RAD21L1: variants seen among roughly 807,000 people sequenced by gnomAD.
The protein encoded by RAD21L1 is RAD21 cohesin complex component like 1.
A neutral mutation model predicts 69.0 loss-of-function variants in RAD21L1; 47 were observed. The observed-to-expected ratio is 0.68, with a 90% CI of 0.54 to 0.87. RAD21L1 has a LOEUF of 0.87. Among genes scored for constraint, RAD21L1 ranks in the 40% least tolerant of loss-of-function variants. RAD21L1 has a pLI of 0.00. For synonymous variants in RAD21L1, 177 were observed against 205.8 expected (o/e 0.86, Z 1.20); for missense variants, 583 against 647.6 (o/e 0.90, Z 1.08).
Position 1,238,075 on chromosome 20 carries a change from C to A in RAD21L1, c.507C>A (p.Ser169Arg). 1 of 1,528,008 alleles carries A rather than the reference C, an allele frequency of 6.5e-7. No individual in the cohort carries two copies. Among genetic ancestry groups the A allele is most frequent in the Non-Finnish European group, 8.8e-7 (1 of 1,131,058 alleles). 94.7% of individuals were successfully genotyped at this position (1,528,008 alleles called of 1,614,324 possible). Reference sequence around the variant, plus strand: ...AATCTGAAATTCTCAGAAGACATAGCTTCTTTGATGACAACATATTACTGA... The same window carrying A: ...AATCTGAAATTCTCAGAAGACATAGATTCTTTGATGACAACATATTACTGA... ...GEESEILRRH[S>R]FFDDNILLNS... Residue 169 changes from serine to arginine, a missense_variant, in exon 6 of 14, where the codon AGC (serine) becomes AGA (arginine). Coordinates refer to ENST00000683101, the MANE Select transcript of RAD21L1 (RefSeq NM_001384355.1).
In RAD21L1 at chr20:1,254,396, G is replaced by A. The variant is rs117961856; in HGVS notation, c.1607G>A (p.Ser536Asn). Residue 536 changes from serine to asparagine, a missense_variant, in exon 14 of 14, where the codon AGC becomes AAC. Coordinates refer to ENST00000683101, the MANE Select transcript of RAD21L1 (RefSeq NM_001384355.1). ...VLKKQLAIELSQSAPYADIIA... is the reference protein window; with the variant it reads ...VLKKQLAIELNQSAPYADIIA... ...AAGAAACAGCTGGCTATTGAGCTGA[G>A]CCAGAGTGCTCCCTATGCAGATATT... The A allele has an allele frequency of 3.6e-3, 5,623 of 1,551,200 alleles. 182 individuals carry two copies. In the East Asian group the frequency reaches 0.059, roughly 16 times the overall value.
intron 2 of RAD21L1, 65 bp from the exon 3 acceptor site, chr20:1,229,815 C>CTTTCAAAGAA: frequency 8.0e-7 from 1 of 1,253,598 alleles, no homozygotes; most frequent in Non-Finnish European, 1.1e-6. Context: ...ATGTCAGTAA[C>CTTTCAAAGAA]TTTCAAAGAA....
At chr20:1,228,395 T>G (rs954069670) in intron 1 of RAD21L1, 27 bp from the exon 2 acceptor site, 2 of 1,275,702 alleles carry the variant, frequency 1.6e-6, no homozygotes, top group Admixed American at 3.8e-5. Context: ...TAATAAAATT[T>G]TAAATTTCTT....
intron 12 of RAD21L1, among the ~76,000 whole-genome samples, chr20:1,248,251 T>C (rs2087756808): frequency 6.6e-6 from 1 of 151,968 alleles, no homozygotes; most frequent in African/African-American, 2.4e-5. Flanking sequence ...AGCTGTATGT[T>C]TACTCCTGTC....
At chr20:1,248,300 G>A (rs2122147800) in intron 12 of RAD21L1, among the ~76,000 whole-genome samples, 1 of 152,088 alleles carries the variant, frequency 6.6e-6, no homozygotes, top group East Asian at 1.9e-4. Context: ...ATAACCCTAG[G>A]CAAAAGTTGT....
intron 5 of RAD21L1, among the ~76,000 whole-genome samples, chr20:1,237,279 C>T (rs73073644): frequency 0.044 from 6,714 of 152,124 alleles, 184 homozygotes; most frequent in Middle Eastern, 0.065. Context: ...CTTCTGGTCC[C>T]CTGGAACTAT....
Position 1,242,636 on chromosome 20 carries a change from A to G in RAD21L1, c.874A>G (p.Lys292Glu). 6.4e-7 allele frequency: 1 copy of G among 1,550,954 alleles called. No homozygotes were observed. Among genetic ancestry groups the G allele is most frequent in the Non-Finnish European group, 8.7e-7 (1 of 1,146,316 alleles). Reference protein sequence around the residue: ...IDISDIAEKRKGKKRRLLIDP... With the variant: ...IDISDIAEKREGKKRRLLIDP... Reference sequence around the variant, plus strand: ...ATATTTAGACATTGCTGAGAAAAGGAAAGGCAAAAAGAGGAGATTGCTCAT... The same window carrying G: ...ATATTTAGACATTGCTGAGAAAAGGGAAGGCAAAAAGAGGAGATTGCTCAT... The change falls in exon 9 of 14, where the codon AAA becomes GAA. Residue 292 changes from lysine to glutamate, a missense_variant. Coordinates refer to ENST00000683101, the MANE Select transcript of RAD21L1 (RefSeq NM_001384355.1).
chr20:1,251,867 A>G (rs949398489), intron 13 of RAD21L1, among the ~76,000 whole-genome samples: 1 of 152,144 alleles, frequency 6.6e-6, no homozygotes, highest in African/African-American at 2.4e-5. Context: ...CTTTGTTGAG[A>G]TATGATTAAC....
intron 5 of RAD21L1, among the ~76,000 whole-genome samples, chr20:1,236,543 A>G (rs1227457049): frequency 1.3e-5 from 2 of 152,204 alleles, no homozygotes; most frequent in Non-Finnish European, 2.9e-5. Context: ...AGGTGGGAAG[A>G]ACATGTTCTT....
In RAD21L1 at chr20:1,244,080, A is replaced by G. The variant is rs1428585740; in HGVS notation, c.1218A>G (p.Gln406=). Residue 406 remains glutamine (Q), a synonymous_variant, in exon 11 of 14, where the codon CAA becomes CAG. Coordinates refer to ENST00000683101, the MANE Select transcript of RAD21L1 (RefSeq NM_001384355.1). ...TSMMQEPNYQ[Q]ELSKPQTWKD... ...TGATGCAAGAGCCAAATTACCAGCA[A>G]GAGTTAAGTAAACCCCAAACTTGGA... The G allele has an allele frequency of 1.3e-6, 2 of 1,550,226 alleles. No homozygotes were observed. Among genetic ancestry groups the G allele is most frequent in the Admixed American group, 3.9e-5 (2 of 50,988 alleles).
chr20:1,243,577 G>A (rs1444564777), intron 10 of RAD21L1, among the ~76,000 whole-genome samples: 1 of 152,138 alleles, frequency 6.6e-6, no homozygotes, highest in African/African-American at 2.4e-5. Flanking sequence ...GATAAGAACA[G>A]CACTTAATAC....
rs1449428360 is a variant in RAD21L1 at position 1,246,260 on chromosome 20, G to A, written c.1356G>A (p.Met452Ile). 2 of 1,541,524 alleles carry A rather than the reference G, an allele frequency of 1.3e-6. No individual in the cohort carries two copies. Among genetic ancestry groups the A allele is most frequent in the Non-Finnish European group, 1.8e-6 (2 of 1,142,348 alleles). Reference protein sequence around the residue: ...VSLAAEESSLMNDLFAQEIEY... With the variant: ...VSLAAEESSLINDLFAQEIEY... The stretch of plus-strand genomic sequence containing the variant: ...TAGCTGCTGAGGAATCATCTTTAAT[G>A]AATGACTTATTTGCACAAGAAATTG... Residue 452 changes from methionine (M) to isoleucine (I), a missense_variant, in exon 12 of 14, where the codon ATG (methionine) becomes ATA (isoleucine). Met to Ile is a conservative substitution (Grantham distance 10, BLOSUM62 1). Transcript: ENST00000683101. The surrounding 1 kb of genome is among the most constrained non-coding windows in gnomAD (Gnocchi z 4.6).
rs1321448634 is a variant in RAD21L1, at chr20:1,242,847, T to C, written c.1083+2T>C. On this transcript the variant is annotated splice_donor_variant, in intron 9 of 13. Transcript: ENST00000683101. LOFTEE classifies it high-confidence loss of function. ...TTGATTCATGCTGAACTGAAAATGG[T>C]AACGGTTCCTACCCTTCTACATGTG... is the stretch of plus-strand genomic sequence containing the variant. The C allele has an allele frequency of 6.5e-7, 1 of 1,539,626 alleles. No homozygotes were observed. Among genetic ancestry groups the C allele is most frequent in the Admixed American group, 2.0e-5 (1 of 50,962 alleles).
intron 8 of RAD21L1, 98 bp from the exon 9 acceptor site, chr20:1,242,521 C>A: frequency 1.1e-6 from 1 of 925,886 alleles, no homozygotes; most frequent in South Asian, 1.5e-5. Context: ...GCATGAGCCA[C>A]CGTGCCTGGC....
Position 1,228,472 on chromosome 20 carries a change from C to A in RAD21L1, c.19C>A (p.Leu7Ile). The change falls in exon 2 of 14, where the codon CTT becomes ATT. Residue 7 changes from leucine (L) to isoleucine (I), a missense_variant. Coordinates refer to ENST00000683101, the MANE Select transcript of RAD21L1 (RefSeq NM_001384355.1). MFYTHVLMSKRGPLAKI... is the reference protein window; with the variant it reads MFYTHVIMSKRGPLAKI... The stretch of plus-strand genomic sequence containing the variant: ...AGGCAACATGTTCTACACACATGTG[C>A]TTATGAGTAAACGAGGGCCATTGGC... 1 of 1,548,708 alleles carries A rather than the reference C, an allele frequency of 6.5e-7. No individual in the cohort carries two copies. Among genetic ancestry groups the A allele is most frequent in the Non-Finnish European group, 8.7e-7 (1 of 1,145,902 alleles).
intron 7 of RAD21L1, 122 bp from the exon 8 acceptor site, chr20:1,240,199 A>G: frequency 7.2e-7 from 1 of 1,386,856 alleles, no homozygotes. Context: ...AAGAATTCAG[A>G]TGTTCCAGTT....
At chr20:1,237,118 T>C (rs1305886877) in intron 5 of RAD21L1, among the ~76,000 whole-genome samples, 4 of 152,236 alleles carry the variant, frequency 2.6e-5, no homozygotes, top group African/African-American at 4.8e-5. Context: ...TCAATATGGG[T>C]AATACTTCAT....
At chr20:1,227,467 T>A (rs2087289534) in intron 1 of RAD21L1, among the ~76,000 whole-genome samples, 1 of 152,258 alleles carries the variant, frequency 6.6e-6, no homozygotes, top group Admixed American at 6.5e-5. Flanking sequence ...TACCTAAGTT[T>A]TTAATTCTTT....
At chr20:1,244,715 AC>A (rs2087685397) in intron 11 of RAD21L1, among the ~76,000 whole-genome samples, 2 of 152,200 alleles carry the variant, frequency 1.3e-5, no homozygotes, top group African/African-American at 4.8e-5. Flanking sequence ...GAAATAATGT[AC>A]TTTGAAATAT....
Sources: allele counts gnomAD v4.1 joint callset (sites outside exome capture counted in the v4.1 genomes callset), GRCh38; gene constraint gnomAD v4.1.1; non-coding constraint Gnocchi (gnomAD v3.1); transcripts MANE v1.5; gene names NCBI Gene and HGNC (gene_info 2026-07-23, HGNC 2026-07-21).